BACH2: variants seen among roughly 807,000 people sequenced by gnomAD.
BACH2 encodes BACH transcriptional regulator 2, also known as transcription regulator protein BACH2.
In BACH2, 5 loss-of-function variants were observed where a neutral mutation model predicts 61.8. The observed-to-expected ratio is 0.08, with a 90% CI of 0.04 to 0.17. BACH2 has a LOEUF of 0.17. Ranked by LOEUF, BACH2 falls within the 10% of genes least tolerant of loss-of-function variation. The pLI is 1.00. For synonymous variants in BACH2, 446 were observed against 440.1 expected, an observed-to-expected ratio of 1.01 and a Z score of -0.17; for missense variants, 824 against 1,091.1, an observed-to-expected ratio of 0.76 and a Z score of 3.45.
chr6:90,088,592 CAT>C (rs1782027782), intron 5 of BACH2, among the ~76,000 whole-genome samples: 1 of 152,180 alleles, frequency 6.6e-6, no homozygotes, highest in Non-Finnish European at 1.5e-5. Flanking sequence ...ATTTCAAGCA[CAT>C]GAGTTAAAGC....
intron 4 of BACH2, among the ~76,000 whole-genome samples, chr6:90,103,029 A>ATATATATATATATTT: frequency 4.7e-5 from 1 of 21,158 alleles, no homozygotes; most frequent in African/African-American, 2.4e-4. Flanking sequence ...ATATATATAT[A>ATATATATATATATTT]TTTTTTTTTT....
At chr6:90,021,037 C>A (rs1351483472) in intron 5 of BACH2, among the ~76,000 whole-genome samples, 6 of 152,106 alleles carry the variant, frequency 3.9e-5, no homozygotes, top group African/African-American at 1.4e-4. Context: ...CCAAAAAACC[C>A]AGCTGCACAT....
chr6:90,194,648 A>G (rs2127845707), intron 4 of BACH2, among the ~76,000 whole-genome samples: 1 of 152,248 alleles, frequency 6.6e-6, no homozygotes, highest in South Asian at 2.1e-4. Flanking sequence ...CCCACTCCAA[A>G]CTGTTAGGGA....
chr6:90,269,621 T>G (rs1771456374), intron 2 of BACH2, among the ~76,000 whole-genome samples: 1 of 152,148 alleles, frequency 6.6e-6, no homozygotes, highest in African/African-American at 2.4e-5. Context: ...TTTTGATGTT[T>G]TGAGAATTTC....
chr6:90,003,073 G>A (rs1777219870), intron 6 of BACH2, among the ~76,000 whole-genome samples: 1 of 152,156 alleles, frequency 6.6e-6, no homozygotes, highest in African/African-American at 2.4e-5. Flanking sequence ...TTAGCCTCTT[G>A]TGTCTTTTCC....
intron 5 of BACH2, among the ~76,000 whole-genome samples, chr6:90,063,938 TG>T (rs1780815986): frequency 6.6e-6 from 1 of 152,206 alleles, no homozygotes; most frequent in African/African-American, 2.4e-5. Flanking sequence ...TCTTTCTTGG[TG>T]GTACATAATA....
chr6:90,055,847 C>T (rs1315990759), intron 5 of BACH2, among the ~76,000 whole-genome samples: 2 of 152,146 alleles, frequency 1.3e-5, no homozygotes, highest in East Asian at 1.9e-4. Context: ...ATTTTCAACC[C>T]AGAATCTCAT....
At chr6:90,052,664 G>A (rs1008243237) in intron 5 of BACH2, among the ~76,000 whole-genome samples, 4 of 152,136 alleles carry the variant, frequency 2.6e-5, no homozygotes, top group Non-Finnish European at 5.9e-5. Context: ...CAAGTGATCT[G>A]CCTGCCTCAG....
At chr6:90,159,736 C>T (rs6935531) in intron 4 of BACH2, among the ~76,000 whole-genome samples, 2,116 of 152,270 alleles carry the variant, frequency 0.014, 46 homozygotes, top group African/African-American at 0.036. Context: ...TAAAGTAAAT[C>T]TAATTCAATA....
intron 4 of BACH2, among the ~76,000 whole-genome samples, chr6:90,147,481 C>T (rs1038538477): frequency 2.0e-5 from 3 of 152,172 alleles, no homozygotes; most frequent in Non-Finnish European, 4.4e-5. Flanking sequence ...GGCAGCCACT[C>T]GCTGGTATCC....
intron 4 of BACH2, among the ~76,000 whole-genome samples, chr6:90,136,910 C>A (rs1784289494): frequency 6.6e-6 from 1 of 151,348 alleles, no homozygotes. Flanking sequence ...AAGACTTGGA[C>A]TTATGTGAAG....
At chr6:89,963,310 T>C (rs1486026900) in intron 6 of BACH2, among the ~76,000 whole-genome samples, 1 of 151,092 alleles carries the variant, frequency 6.6e-6, no homozygotes, top group Non-Finnish European at 1.5e-5. Context: ...TTGTTTTTGT[T>C]TTTAAGACAG....
At chr6:90,035,658 G>A (rs1385221127) in intron 5 of BACH2, among the ~76,000 whole-genome samples, 1 of 151,944 alleles carries the variant, frequency 6.6e-6, no homozygotes, top group African/African-American at 2.4e-5. Context: ...GTATGCCAGG[G>A]TTTGAATTCA....
chr6:90,287,418 T>C (rs548933208), intron 1 of BACH2, among the ~76,000 whole-genome samples: 28 of 152,228 alleles, frequency 1.8e-4, no homozygotes, highest in African/African-American at 5.5e-4. Flanking sequence ...AAAGATAATA[T>C]AGAATTTCAG....
At chr6:90,296,267 G>C (rs1315157289) in intron 1 of BACH2, among the ~76,000 whole-genome samples, 1 of 151,858 alleles carries the variant, frequency 6.6e-6, no homozygotes, top group South Asian at 2.1e-4. Context: ...CGGCGCGGCC[G>C]CCGGCTCGGC....
At chr6:90,017,296 T>C (rs1778120325) in intron 5 of BACH2, among the ~76,000 whole-genome samples, 1 of 152,136 alleles carries the variant, frequency 6.6e-6, no homozygotes, top group African/African-American at 2.4e-5. Context: ...TTTGGCTCAC[T>C]GCAACCACTG....
At chr6:90,011,930 A>AT (rs1554227943) in intron 5 of BACH2, among the ~76,000 whole-genome samples, 1 of 98,680 alleles carries the variant, frequency 1.0e-5, no homozygotes, top group East Asian at 4.4e-4. Context: ...AAAAAAAAAA[A>AT]TATGTGTGTG....
chr6:90,002,303 C>T (rs1582173727), intron 6 of BACH2, among the ~76,000 whole-genome samples: 1 of 152,286 alleles, frequency 6.6e-6, no homozygotes, highest in East Asian at 1.9e-4. Context: ...TTTCTATCTC[C>T]ACTCACTTCC....
chr6:90,175,435 G>C lies in BACH2; in HGVS notation c.-162+31134C>G, dbSNP rs958858079. 2.6e-4 allele frequency among the ~76,000 whole-genome samples: 39 copies of C among 152,042 alleles called. 1 individual carries two copies. The highest frequency in any genetic ancestry group is 2.4e-3 in the Admixed American group (36 of 15,270). On this transcript the variant is annotated intron_variant, in intron 4 of 8. Transcript: ENST00000257749. The stretch of plus-strand genomic sequence containing the variant: ...ATAAGACAGAAGAAAAACAACAAAT[G>C]AACAATTAACTGGTAAGGAAAGAAT...
Sources: allele counts gnomAD v4.1 joint callset (sites outside exome capture counted in the v4.1 genomes callset), GRCh38; gene constraint gnomAD v4.1.1; transcripts MANE v1.5; gene names NCBI Gene and HGNC (gene_info 2026-07-23, HGNC 2026-07-21).